Variants in BTD observed in about 807,000 individuals in gnomAD.
The protein encoded by BTD is biocytinase.
Under a neutral mutation model 17.7 loss-of-function variants are expected in BTD, and 13 were observed. The ratio of observed to expected loss-of-function variants is 0.74; its 90% CI spans 0.48 to 1.17. BTD has a LOEUF of 1.17. Among genes scored for constraint, BTD ranks in the 50% most tolerant of loss-of-function variants. The pLI is 0.00. For missense variants in BTD, 674 were observed against 650.4 expected, an observed-to-expected ratio of 1.04 and a Z score of -0.39; for synonymous variants, 240 against 245.2, an observed-to-expected ratio of 0.98 and a Z score of 0.20.
chr3:15,703,429 T>C (rs964161067), intron 3 of BTD, among the ~76,000 whole-genome samples: 9 of 152,188 alleles, frequency 5.9e-5, no homozygotes, highest in African/African-American at 2.2e-4. Flanking sequence ...AGGAGGTGAT[T>C]AGGTCAAGAG....
rs559263294 is a variant in BTD at position 15,650,596 on chromosome 3, G to A, written c.*5108G>A. Among the ~76,000 whole-genome samples, 24 of 152,190 alleles carry A rather than the reference G, an allele frequency of 1.6e-4. No individual in the cohort carries two copies. The highest frequency in any genetic ancestry group is 4.8e-4 in the African/African-American group (20 of 41,518). ...CATTTTCTCCCACAGACAGACTCTC[G>A]TGTAGTTGCAACAATGGCCATGACT... On this transcript the variant is annotated 3_prime_UTR_variant, in exon 4 of 4. Transcript: ENST00000643237.
At chr3:15,620,005 C>T (rs909174517) in intron 1 of BTD, among the ~76,000 whole-genome samples, 26 of 152,132 alleles carry the variant, frequency 1.7e-4, no homozygotes, top group African/African-American at 6.3e-4. Flanking sequence ...TAACAAAGAT[C>T]ACATGCTTCT....
intron 3 of BTD, among the ~76,000 whole-genome samples, chr3:15,687,403 C>T (rs904932738): frequency 1.2e-4 from 18 of 151,842 alleles, no homozygotes; most frequent in Non-Finnish European, 1.6e-4. Context: ...AGTCCAAATG[C>T]ATAAAATGGG....
chr3:15,678,640 GAAAT>G (rs1191694066), intron 3 of BTD, among the ~76,000 whole-genome samples: 1 of 152,086 alleles, frequency 6.6e-6, no homozygotes, highest in Non-Finnish European at 1.5e-5. Context: ...AATTTTGAAA[GAAAT>G]AAATCCTAAT....
intron 3 of BTD, among the ~76,000 whole-genome samples, chr3:15,659,987 T>C (rs1463302472): frequency 6.6e-6 from 1 of 152,256 alleles, no homozygotes. Flanking sequence ...TATTATTTCA[T>C]TTAATTCTTC....
At chr3:15,672,402 A>C (rs1373024869) in intron 3 of BTD, among the ~76,000 whole-genome samples, 1 of 152,152 alleles carries the variant, frequency 6.6e-6, no homozygotes, top group Admixed American at 6.5e-5. Flanking sequence ...TCTGCCTCCC[A>C]AAGTGCTGGG....
At chr3:15,623,756 T>G (rs2065006171) in intron 1 of BTD, among the ~76,000 whole-genome samples, 1 of 152,196 alleles carries the variant, frequency 6.6e-6, no homozygotes, top group South Asian at 2.1e-4. Context: ...TCTGGTTGTT[T>G]AAAAGCGTGT....
At chr3:15,712,446 G>C (rs1461403505) in exon 4 of BTD, among the ~76,000 whole-genome samples, 2 of 152,088 alleles carry the variant, frequency 1.3e-5, no homozygotes, top group Non-Finnish European at 2.9e-5. Flanking sequence ...TGTCATTATG[G>C]ACTTTGCTGG....
chr3:15,686,412 C>G, intron 3 of BTD: 1 of 918,720 alleles, frequency 1.1e-6, no homozygotes, highest in Non-Finnish European at 1.7e-6. Flanking sequence ...GGGATAGTTG[C>G]ACTGAATTTA....
chr3:15,676,847 TA>T, intron 3 of BTD: 1 of 664,680 alleles, frequency 1.5e-6, no homozygotes, highest in Non-Finnish European at 2.4e-6. Flanking sequence ...TTGACAGTTG[TA>T]AAACTATTAA....
intron 1 of BTD, among the ~76,000 whole-genome samples, chr3:15,624,795 T>G (rs370988512): frequency 3.9e-5 from 6 of 152,210 alleles, no homozygotes; most frequent in Admixed American, 3.9e-4. Context: ...TGCAGTGGTG[T>G]GATAACAGCT....
In BTD at chr3:15,663,428, A is replaced by G. The variant is rs73034217; in HGVS notation, c.399+21371A>G. On this transcript the variant is annotated intron_variant, in intron 3 of 3. Transcript: ENST00000672141. ...TGGTATAATTTCACCCTGCGTGTTC[A>G]GTAGAATTCAGCAGTGAATCCATCT... is the stretch of plus-strand genomic sequence containing the variant. Among the ~76,000 whole-genome samples, 842 of 152,364 alleles carry G rather than the reference A, an allele frequency of 5.5e-3. 7 individuals carry two copies. Among genetic ancestry groups the G allele is most frequent in the Middle Eastern group, 0.014 (4 of 294 alleles).
At chr3:15,619,818 T>G (rs575338641) in intron 1 of BTD, among the ~76,000 whole-genome samples, 26 of 152,354 alleles carry the variant, frequency 1.7e-4, no homozygotes, top group Non-Finnish European at 3.4e-4. Flanking sequence ...GAGAGGAATT[T>G]TACAGCTGGG....
In BTD at chr3:15,635,460, G is replaced by A. The variant is rs373816322; in HGVS notation, c.21G>A (p.Lys7=). The A allele has an allele frequency of 1.2e-6, 2 of 1,614,218 alleles. No homozygotes were observed. The highest frequency in any genetic ancestry group is 1.7e-6 in the Non-Finnish European group (2 of 1,180,040). Residue 7 remains lysine (K), a synonymous_variant, in exon 2 of 4, where the codon AAG becomes AAA. Transcript: ENST00000643237. This position sits in a 1 kb window ranked among gnomAD's most constrained non-coding sequence, Gnocchi z 4.1. MSGARS[K]LALFLCGCYV... ...GCATTATGTCTGGAGCCAGAAGTAA[G>A]CTTGCTCTTTTCCTCTGCGGCTGTT...
At chr3:15,714,658 T>TG (rs756256663), downstream of BTD, 1,515 of 1,570,046 alleles carry the variant, frequency 9.6e-4, 1 homozygote, top group South Asian at 9.2e-4. Flanking sequence ...ATCTTTACTC[T>TG]GGGGGGGGAA....
chr3:15,611,519 T>C (rs925630780), intron 1 of BTD, among the ~76,000 whole-genome samples: 1 of 152,230 alleles, frequency 6.6e-6, no homozygotes, highest in Non-Finnish European at 1.5e-5. Flanking sequence ...TTAGAAAGAA[T>C]TCTTCTAGAA....
In BTD at chr3:15,644,777, G is replaced by A; in HGVS notation, c.861G>A (p.Gly287=). ...LAANVHHPVL[G]MTGSGIHTPL... ...CTAATGTCCACCACCCAGTTCTGGG[G>A]ATGACAGGAAGTGGCATACACACCC... is the stretch of plus-strand genomic sequence containing the variant. Residue 287 remains glycine, a synonymous_variant, in exon 4 of 4, where the codon GGG becomes GGA. Coordinates refer to ENST00000643237, the MANE Select transcript of BTD (RefSeq NM_001370658.1). 1 of 1,614,164 alleles carries A rather than the reference G, an allele frequency of 6.2e-7. No homozygotes were observed. The highest frequency in any genetic ancestry group is 1.1e-5 in the South Asian group (1 of 91,078).
intron 1 of BTD, among the ~76,000 whole-genome samples, chr3:15,626,055 C>A (rs2065059523): frequency 6.6e-6 from 1 of 152,166 alleles, no homozygotes; most frequent in Non-Finnish European, 1.5e-5. Flanking sequence ...AAAGTTGTTT[C>A]AAGTATCTGA....
intron 1 of BTD, among the ~76,000 whole-genome samples, chr3:15,604,736 A>G (rs904217258): frequency 1.3e-5 from 2 of 152,132 alleles, no homozygotes; most frequent in Non-Finnish European, 2.9e-5. Context: ...ATCTCTCTCA[A>G]GTTCAAAGTT....
Sources: allele counts gnomAD v4.1 joint callset (sites outside exome capture counted in the v4.1 genomes callset), GRCh38; gene constraint gnomAD v4.1.1; non-coding constraint Gnocchi (gnomAD v3.1); transcripts MANE v1.5; gene names NCBI Gene and HGNC (gene_info 2026-07-23, HGNC 2026-07-21).